The following MAN1A2 variants were observed in gnomAD, a reference collection of about 807,000 sequenced individuals.
The protein encoded by MAN1A2 is mannosidase alpha class 1A member 2, also known as mannosyl-oligosaccharide 1,2-alpha-mannosidase IB.
A neutral mutation model predicts 75.7 loss-of-function variants in MAN1A2; 26 were observed. The observed-to-expected ratio is 0.34, with a 90% confidence interval of 0.25 to 0.48. The LOEUF is 0.48. Ranked by LOEUF, MAN1A2 falls within the 20% of genes least tolerant of loss-of-function variation. The pLI is 0.99. For synonymous variants in MAN1A2, 247 were observed against 264.6 expected (o/e 0.93, Z 0.65); for missense variants, 562 against 775.5 (o/e 0.72, Z 3.27).
At chr1:117,373,485 T>G (rs1426525661) in intron 1 of MAN1A2, among the ~76,000 whole-genome samples, 1 of 72,734 alleles carries the variant, frequency 1.4e-5, no homozygotes, top group Non-Finnish European at 2.9e-5. Context: ...GCTGCATTTG[T>G]TTTTTTTTTT....
chr1:117,500,259 TA>T (rs1267477944), intron 11 of MAN1A2, among the ~76,000 whole-genome samples: 1 of 151,912 alleles, frequency 6.6e-6, no homozygotes, highest in Non-Finnish European at 1.5e-5. Flanking sequence ...TCCCTCCCCG[TA>T]ATACACACTC....
rs146255398 is a variant in MAN1A2 at position 117,399,221 on chromosome 1, G to A, written c.303-2965G>A. Among the ~76,000 whole-genome samples the A allele has an allele frequency of 3.7e-4, 57 of 152,280 alleles. No individual in the cohort carries two copies. In the East Asian group the frequency reaches 0.01, roughly 27 times the overall value. ...CACAGGGTGGACTCTAGAAAATGGTGTGTAATACCTGTTCGTGGAAGCTCA... is the reference window on the plus strand; with the variant it reads ...CACAGGGTGGACTCTAGAAAATGGTATGTAATACCTGTTCGTGGAAGCTCA... On this transcript the variant is annotated intron_variant, in intron 1 of 12. Transcript: ENST00000356554.
chr1:117,442,246 G>A lies in MAN1A2; in HGVS notation c.871G>A (p.Ala291Thr), dbSNP rs1649061099. 1.2e-6 allele frequency: 2 copies of A among 1,600,434 alleles called. No homozygotes were observed. Among genetic ancestry groups the A allele is most frequent in the Admixed American group, 1.7e-5 (1 of 59,976 alleles). ...TAAATCTCAGATATTCAAGATTAAA[G>A]CAGTGCAATTGGCTGAGAAACTCCT... is the stretch of plus-strand genomic sequence containing the variant. ...LSGEEIFKIKAVQLAEKLLPA... is the reference protein window; with the variant it reads ...LSGEEIFKIKTVQLAEKLLPA... The change falls in exon 6 of 13, where the codon GCA (alanine) becomes ACA (threonine). Residue 291 changes from alanine to threonine, a missense_variant. By Grantham distance (58) the Ala-to-Thr change is moderately conservative. Transcript: ENST00000356554.
At chr1:117,513,718 A>G (rs943679474) in intron 12 of MAN1A2, among the ~76,000 whole-genome samples, 8 of 152,104 alleles carry the variant, frequency 5.3e-5, no homozygotes, top group African/African-American at 1.9e-4. Flanking sequence ...GCAGAAATGT[A>G]GGAGCTAAAA....
intron 3 of MAN1A2, among the ~76,000 whole-genome samples, chr1:117,408,650 T>C (rs1413603120): frequency 6.6e-6 from 1 of 152,192 alleles, no homozygotes; most frequent in African/African-American, 2.4e-5. Context: ...AATGCTGGAC[T>C]CAGAAAATGA....
At chr1:117,448,752 G>A (rs1327948296) in intron 6 of MAN1A2, among the ~76,000 whole-genome samples, 1 of 152,182 alleles carries the variant, frequency 6.6e-6, no homozygotes, top group Non-Finnish European at 1.5e-5. Flanking sequence ...TAACATACCT[G>A]TAATGGAGTG....
At chr1:117,399,877 A>G (rs950949476) in intron 1 of MAN1A2, among the ~76,000 whole-genome samples, 4 of 152,172 alleles carry the variant, frequency 2.6e-5, no homozygotes, top group African/African-American at 7.2e-5. Context: ...TCTGGTTGAA[A>G]TAGGGTTTTA....
intron 12 of MAN1A2, among the ~76,000 whole-genome samples, chr1:117,512,254 A>C (rs1266632686): frequency 6.6e-6 from 1 of 152,124 alleles, no homozygotes; most frequent in Non-Finnish European, 1.5e-5. Flanking sequence ...TCAAAGGTCC[A>C]GATGCCCACA....
At chr1:117,502,775 C>T in intron 11 of MAN1A2, 80 bp from the exon 12 acceptor site, 2 of 714,836 alleles carry the variant, frequency 2.8e-6, no homozygotes, top group Non-Finnish European at 5.0e-6. Context: ...GAGCTTTTGA[C>T]TATTGTCCTT....
chr1:117,399,139 G>A (rs562273964), intron 1 of MAN1A2, among the ~76,000 whole-genome samples: 2 of 152,308 alleles, frequency 1.3e-5, no homozygotes, highest in African/African-American at 4.8e-5. Context: ...GCCCATGTGC[G>A]TGGTGAAGCT....
At chr1:117,390,884 A>G (rs1053957194) in intron 1 of MAN1A2, among the ~76,000 whole-genome samples, 7 of 152,080 alleles carry the variant, frequency 4.6e-5, no homozygotes. Flanking sequence ...GGCACTTTCA[A>G]ATTTCACTTT....
At chr1:117,426,150 A>G (rs941130252) in intron 5 of MAN1A2, among the ~76,000 whole-genome samples, 11 of 151,932 alleles carry the variant, frequency 7.2e-5, no homozygotes, top group African/African-American at 2.2e-4. Flanking sequence ...GCATTATCTT[A>G]TAGCTTGCAT....
intron 8 of MAN1A2, among the ~76,000 whole-genome samples, chr1:117,476,088 T>C (rs1410403803): frequency 6.6e-6 from 1 of 152,208 alleles, no homozygotes; most frequent in Non-Finnish European, 1.5e-5. Context: ...GTCCTTGTGG[T>C]TTTGATTTGC....
rs527757909 is a variant in MAN1A2, at chr1:117,384,738, G to A, written c.302+16253G>A. Among the ~76,000 whole-genome samples the A allele has an allele frequency of 1.1e-3, 165 of 152,120 alleles. 2 individuals carry two copies. Among genetic ancestry groups the A allele is most frequent in the Admixed American group, 5.7e-3 (87 of 15,278 alleles). On this transcript the variant is annotated intron_variant, in intron 1 of 12. Coordinates refer to ENST00000356554, the MANE Select transcript of MAN1A2 (RefSeq NM_006699.5). ...TGGCCATGATTTCTTCCTATATTTT[G>A]GGGGTTCTGTTGTTTAATGTATATA...
chr1:117,402,038 T>C, intron 1 of MAN1A2, 148 bp from the exon 2 acceptor site: 1 of 680,238 alleles, frequency 1.5e-6, no homozygotes, highest in African/African-American at 1.8e-5. Context: ...CAGATCTGAA[T>C]GTGTCTCACT....
chr1:117,384,095 TTCTC>T (rs1653442817), intron 1 of MAN1A2, among the ~76,000 whole-genome samples: 2 of 152,330 alleles, frequency 1.3e-5, no homozygotes, highest in African/African-American at 2.4e-5. Flanking sequence ...TTTCATTAGA[TTCTC>T]TCTATTGTTT....
chr1:117,407,278 G>T (rs773727563), intron 3 of MAN1A2, among the ~76,000 whole-genome samples: 4 of 151,876 alleles, frequency 2.6e-5, no homozygotes, highest in South Asian at 2.1e-4. Context: ...GTTTGTTAAA[G>T]GATTATTTTT....
chr1:117,386,736 A>G (rs1653538390), intron 1 of MAN1A2, among the ~76,000 whole-genome samples: 1 of 152,034 alleles, frequency 6.6e-6, no homozygotes, highest in Admixed American at 6.6e-5. Flanking sequence ...CCCTGTCTCT[A>G]GAGTCCCTGT....
chr1:117,433,519 A>G (rs1648743948), intron 5 of MAN1A2, among the ~76,000 whole-genome samples: 1 of 152,228 alleles, frequency 6.6e-6, no homozygotes, highest in Admixed American at 6.5e-5. Context: ...ATTTACATTT[A>G]GCATTGTAAT....
Sources: allele counts gnomAD v4.1 joint callset (sites outside exome capture counted in the v4.1 genomes callset), GRCh38; gene constraint gnomAD v4.1.1; transcripts MANE v1.5; gene names NCBI Gene and HGNC (gene_info 2026-07-23, HGNC 2026-07-21).